Variants in PCDHGB7 observed in about 807,000 individuals in gnomAD.
The protein encoded by PCDHGB7 is protocadherin gamma-B7.
A neutral mutation model predicts 61.4 loss-of-function variants in PCDHGB7; 37 were observed. The ratio of observed to expected loss-of-function variants is 0.60; its 90% CI spans 0.46 to 0.79. The LOEUF is 0.79. Ranked by LOEUF, PCDHGB7 falls within the 30% of genes least tolerant of loss-of-function variation. PCDHGB7 has a pLI of 0.00. For synonymous variants in PCDHGB7, 464 were observed against 503.5 expected, an observed-to-expected ratio of 0.92 and a Z score of 1.05; for missense variants, 1,166 against 1,202.5, an observed-to-expected ratio of 0.97 and a Z score of 0.45.
At position 141,431,398 on chromosome 5, in the gene PCDHGB7, G is replaced by A. The variant is rs1052461071; in HGVS notation, c.2415+11124G>A. ...AGGCTGCTCACCACCTGGTCCTTACGGCCTCCGACGGGGGCGACCCGGTGC... is the reference window on the plus strand; with the variant it reads ...AGGCTGCTCACCACCTGGTCCTTACAGCCTCCGACGGGGGCGACCCGGTGC... On this transcript the variant is annotated intron_variant, in intron 1 of 3. Coordinates refer to ENST00000398594, the MANE Select transcript of PCDHGB7 (RefSeq NM_018927.4). This position sits in a 1 kb window ranked among gnomAD's most constrained non-coding sequence, Gnocchi z 4.8. The A allele has an allele frequency of 6.8e-6, 11 of 1,613,768 alleles. No homozygotes were observed. Among genetic ancestry groups the A allele is most frequent in the Non-Finnish European group, 9.3e-6 (11 of 1,180,036 alleles).
Position 141,486,294 on chromosome 5 carries a change from T to C in PCDHGB7, c.2416-8513T>C, listed in dbSNP as rs764106041. The C allele has an allele frequency of 1.2e-6, 2 of 1,614,036 alleles. No homozygotes were observed. The highest frequency in any genetic ancestry group is 1.7e-6 in the Non-Finnish European group (2 of 1,179,998). On this transcript the variant is annotated intron_variant, in intron 1 of 3. Transcript: ENST00000398594. The surrounding 1 kb of genome is among the most constrained non-coding windows in gnomAD (Gnocchi z 5.0). ...GGCACTGTGGTGGCACTTATCAGTG[T>C]GCAGGATCCAGACTCAGGGTCAAAC...
intron 1 of PCDHGB7, among the ~76,000 whole-genome samples, chr5:141,483,553 C>G (rs955671854): frequency 2.0e-5 from 3 of 152,230 alleles, no homozygotes; most frequent in Admixed American, 2.0e-4. Context: ...CAGTGCCATT[C>G]ACAGAGACAG....
At chr5:141,481,722 G>A (rs546676646) in intron 1 of PCDHGB7, among the ~76,000 whole-genome samples, 1 of 152,214 alleles carries the variant, frequency 6.6e-6, no homozygotes, top group African/African-American at 2.4e-5. Flanking sequence ...GGGAGGCGGA[G>A]GCGGGCGGAT....
chr5:141,509,663 G>A (rs933532930), intron 3 of PCDHGB7, among the ~76,000 whole-genome samples: 1 of 152,140 alleles, frequency 6.6e-6, no homozygotes, highest in Non-Finnish European at 1.5e-5. Context: ...ACTTCTCTGG[G>A]CCCCAGTTTC....
At position 141,485,074 on chromosome 5, in the gene PCDHGB7, G is replaced by T. The variant is rs2099606548; in HGVS notation, c.2416-9733G>T. On this transcript the variant is annotated intron_variant, in intron 1 of 3. Transcript: ENST00000398594. The surrounding 1 kb of genome is among the most constrained non-coding windows in gnomAD (Gnocchi z 5.7). ...GGCCGAACCGCGCCAGAGCTGGCGCGGGGAAAGGGAGATAGGTGTCTCCAG... is the reference window on the plus strand; with the variant it reads ...GGCCGAACCGCGCCAGAGCTGGCGCTGGGAAAGGGAGATAGGTGTCTCCAG... The T allele has an allele frequency of 2.2e-6, 2 of 926,946 alleles. No homozygotes were observed. The highest frequency in any genetic ancestry group is 3.4e-6 in the Non-Finnish European group (2 of 596,630). 57.4% of individuals were successfully genotyped at this position (926,946 alleles called of 1,614,324 possible). A position where few individuals can be genotyped will look rare whatever the true frequency, so the allele number is the denominator to read the frequency against.
rs143138320 is a variant in PCDHGB7 at position 141,489,458 on chromosome 5, G to C, written c.2416-5349G>C. The stretch of plus-strand genomic sequence containing the variant: ...CAATTGGGCTCTGAGGAGAATGGGC[G>C]CTATTTTTCCCTGAGCTTGATGAGT... On this transcript the variant is annotated intron_variant, in intron 1 of 3. Coordinates refer to ENST00000398594, the MANE Select transcript of PCDHGB7 (RefSeq NM_018927.4). The surrounding 1 kb of genome is among the most constrained non-coding windows in gnomAD (Gnocchi z 4.5). 3.7e-6 allele frequency: 6 copies of C among 1,613,924 alleles called. No individual in the cohort carries two copies. The highest frequency in any genetic ancestry group is 5.1e-6 in the Non-Finnish European group (6 of 1,180,000).
In PCDHGB7 at chr5:141,491,198, A is replaced by T. The variant is rs1344758185; in HGVS notation, c.2416-3609A>T. ...GTGGTCCTGGTGAGGGACAATGGTG[A>T]CCCTTCACTCTCCTCCACAGCCACA... On this transcript the variant is annotated intron_variant, in intron 1 of 3. Coordinates refer to ENST00000398594, the MANE Select transcript of PCDHGB7 (RefSeq NM_018927.4). This position sits in a 1 kb window ranked among gnomAD's most constrained non-coding sequence, Gnocchi z 6.9. 1.2e-6 allele frequency: 2 copies of T among 1,613,912 alleles called. No individual in the cohort carries two copies. The highest frequency in any genetic ancestry group is 1.3e-5 in the African/African-American group (1 of 74,866).
At position 141,490,155 on chromosome 5, in the gene PCDHGB7, G is replaced by A. The variant is rs753981059; in HGVS notation, c.2416-4652G>A. On this transcript the variant is annotated intron_variant, in intron 1 of 3. Transcript: ENST00000398594. This position sits in a 1 kb window ranked among gnomAD's most constrained non-coding sequence, Gnocchi z 5.4. ...CTAGCAGTGGGGCAATCCATGTGTT[G>A]GGTCCCATAGACTTTGAGGAGTCAC... 2 of 1,614,214 alleles carry A rather than the reference G, an allele frequency of 1.2e-6. No individual in the cohort carries two copies. The highest frequency in any genetic ancestry group is 1.1e-5 in the South Asian group (1 of 91,086).
Position 141,491,478 on chromosome 5 carries a change from C to A in PCDHGB7, c.2416-3329C>A. ...CCCCGGACTTCTATAAGCAGTCCAG[C>A]CCCAACCTGCAGGTGAGCTCGGACG... On this transcript the variant is annotated intron_variant, in intron 1 of 3. Coordinates refer to ENST00000398594, the MANE Select transcript of PCDHGB7 (RefSeq NM_018927.4). The surrounding 1 kb of genome is among the most constrained non-coding windows in gnomAD (Gnocchi z 6.9). 6.2e-7 allele frequency: 1 copy of A among 1,614,068 alleles called. No individual in the cohort carries two copies. Among genetic ancestry groups the A allele is most frequent in the Non-Finnish European group, 8.5e-7 (1 of 1,180,004 alleles).
chr5:141,505,041 C>T (rs1028101225), intron 2 of PCDHGB7, among the ~76,000 whole-genome samples: 4 of 152,142 alleles, frequency 2.6e-5, no homozygotes, highest in African/African-American at 9.7e-5. Flanking sequence ...AGGTGCCTGT[C>T]ATCCCAGCTA....
At position 141,432,374 on chromosome 5, in the gene PCDHGB7, C is replaced by G; in HGVS notation, c.2415+12100C>G. The G allele has an allele frequency of 6.2e-7, 1 of 1,614,240 alleles. No individual in the cohort carries two copies. The highest frequency in any genetic ancestry group is 1.1e-5 in the South Asian group (1 of 91,082). ...GAAAGTGATGGCGCGGGACAACGGG[C>G]ACCCGCCCCTCAGCAGCAACGTGTC... On this transcript the variant is annotated intron_variant, in intron 1 of 3. Transcript: ENST00000398594. The surrounding 1 kb of genome is among the most constrained non-coding windows in gnomAD (Gnocchi z 6.0).
intron 2 of PCDHGB7, among the ~76,000 whole-genome samples, chr5:141,502,654 C>G (rs1424933188): frequency 6.6e-6 from 1 of 152,112 alleles, no homozygotes; most frequent in African/African-American, 2.4e-5. Context: ...TAGGCAGCAA[C>G]CCTTCATGCA....
intron 1 of PCDHGB7, among the ~76,000 whole-genome samples, chr5:141,461,345 G>A (rs1277222105): frequency 1.3e-5 from 2 of 152,102 alleles, no homozygotes; most frequent in African/African-American, 4.8e-5. Context: ...CAGGACCAAG[G>A]TGGTAGCTCG....
At position 141,431,416 on chromosome 5, in the gene PCDHGB7, C is replaced by T. The variant is rs778722151; in HGVS notation, c.2415+11142C>T. Reference sequence around the variant, plus strand: ...TCCTTACGGCCTCCGACGGGGGCGACCCGGTGCGCACAGGCACCGCGCGCA... The same window carrying T: ...TCCTTACGGCCTCCGACGGGGGCGATCCGGTGCGCACAGGCACCGCGCGCA... On this transcript the variant is annotated intron_variant, in intron 1 of 3. Transcript: ENST00000398594. This position sits in a 1 kb window ranked among gnomAD's most constrained non-coding sequence, Gnocchi z 4.8. 2.5e-6 allele frequency: 4 copies of T among 1,613,714 alleles called. No homozygotes were observed. Among genetic ancestry groups the T allele is most frequent in the Admixed American group, 1.7e-5 (1 of 60,028 alleles).
chr5:141,447,514 C>T (rs901543835), intron 1 of PCDHGB7, among the ~76,000 whole-genome samples: 20 of 152,196 alleles, frequency 1.3e-4, no homozygotes, highest in Admixed American at 8.5e-4. Context: ...AGATGCATAA[C>T]AATCATAACA....
In PCDHGB7 at chr5:141,491,163, C is replaced by T; in HGVS notation, c.2416-3644C>T. On this transcript the variant is annotated intron_variant, in intron 1 of 3. Transcript: ENST00000398594. The surrounding 1 kb of genome is among the most constrained non-coding windows in gnomAD (Gnocchi z 6.9). ...CCTTACTGGAGGATGACTCTGACAC[C>T]CAGCAGGTGGTGGTCCTGGTGAGGG... is the stretch of plus-strand genomic sequence containing the variant. 1 of 1,614,092 alleles carries T rather than the reference C, an allele frequency of 6.2e-7. No homozygotes were observed. Among genetic ancestry groups the T allele is most frequent in the Non-Finnish European group, 8.5e-7 (1 of 1,179,950 alleles).
intron 1 of PCDHGB7, among the ~76,000 whole-genome samples, chr5:141,435,264 T>C (rs1442193276): frequency 5.3e-5 from 8 of 152,222 alleles, no homozygotes; most frequent in Non-Finnish European, 8.8e-5. Context: ...GATATGTCCA[T>C]TTATACTTTC....
At chr5:141,421,252 G>A in intron 1 of PCDHGB7, 1 of 1,607,158 alleles carries the variant, frequency 6.2e-7, no homozygotes, top group Non-Finnish European at 8.5e-7. Context: ...ACAGCGCGGG[G>A]ACCGCAGTCG....
At chr5:141,453,175 A>G (rs928062909) in intron 1 of PCDHGB7, among the ~76,000 whole-genome samples, 2 of 152,088 alleles carry the variant, frequency 1.3e-5, no homozygotes, top group African/African-American at 4.8e-5. Context: ...GTCCAGTGGT[A>G]CAATCACAGC....
Sources: gnomAD v4.1 joint callset for allele counts (sites outside exome capture counted in the v4.1 genomes callset) on GRCh38, gnomAD v4.1.1 for gene constraint, Gnocchi (gnomAD v3.1) non-coding constraint, MANE v1.5 for transcripts, NCBI Gene and HGNC (gene_info 2026-07-23, HGNC 2026-07-21) for gene names.